The following RELN variants were observed in gnomAD, a reference collection of about 807,000 sequenced individuals.
RELN encodes the protein reelin.
RELN carries 108 observed loss-of-function variants against 427.6 expected under a neutral mutation model. The observed-to-expected ratio is 0.25, with a 90% CI of 0.22 to 0.30. The LOEUF (loss-of-function observed/expected upper bound fraction) is 0.30, where lower values mean the gene tolerates loss of function less well. Ranked by LOEUF, RELN falls within the 10% of genes least tolerant of loss-of-function variation. RELN has a pLI of 1.00. For missense variants in RELN, 3,715 were observed against 4,302.8 expected, an observed-to-expected ratio of 0.86 and a Z score of 3.82; for synonymous variants, 1,524 against 1,513.4, an observed-to-expected ratio of 1.01 and a Z score of -0.16.
chr7:103,513,777 AAAG>A (rs1174377055), intron 50 of RELN: 1 of 152,122 alleles, frequency 6.6e-6, no homozygotes, highest in Non-Finnish European at 1.5e-5. Context: ...CTAAACAAAA[AAAG>A]AAGCTATGAA....
At chr7:103,733,020 G>GT (rs1189488583) in intron 6 of RELN, among the ~76,000 whole-genome samples, 2 of 151,902 alleles carry the variant, frequency 1.3e-5, no homozygotes, top group Non-Finnish European at 2.9e-5. Flanking sequence ...TAATGCCTAG[G>GT]TTTTCTTCTA....
chr7:103,967,533 G>A (rs1034413102), intron 1 of RELN, among the ~76,000 whole-genome samples: 11 of 152,234 alleles, frequency 7.2e-5, no homozygotes, highest in Admixed American at 2.0e-4. Context: ...GCTTGAAACT[G>A]CAAACAGGCT....
At chr7:103,899,061 G>T (rs897468022) in intron 2 of RELN, among the ~76,000 whole-genome samples, 1 of 151,826 alleles carries the variant, frequency 6.6e-6, no homozygotes, top group African/African-American at 2.4e-5. Flanking sequence ...TAATAAAGAA[G>T]AAAAGAGAGA....
intron 8 of RELN, among the ~76,000 whole-genome samples, chr7:103,708,621 G>A (rs1466579342): frequency 1.3e-5 from 2 of 151,536 alleles, no homozygotes; most frequent in African/African-American, 2.4e-5. Context: ...CCGCCAACAC[G>A]CCCGGCTAAT....
At position 103,548,286 on chromosome 7, in the gene RELN, C is replaced by T. The variant is rs956096205; in HGVS notation, c.6302+2781G>A. On this transcript the variant is annotated intron_variant, in intron 41 of 64. Transcript: ENST00000428762. ...TTTAATACACTTTTTGTGTGTATTT[C>T]GTGTCCAATAAATGCAAGAAAAGAG... Among the ~76,000 whole-genome samples, 5 of 152,098 alleles carry T rather than the reference C, an allele frequency of 3.3e-5. No individual in the cohort carries two copies. In the East Asian group the frequency reaches 5.8e-4, roughly 18 times the overall value.
chr7:103,872,971 T>C (rs1401070320), intron 2 of RELN, among the ~76,000 whole-genome samples: 1 of 151,950 alleles, frequency 6.6e-6, no homozygotes, highest in Non-Finnish European at 1.5e-5. Context: ...TAGCCCTTTG[T>C]CAGATGAGTA....
At chr7:103,630,872 T>TTTG (rs1562931062) in intron 19 of RELN, among the ~76,000 whole-genome samples, 6 of 150,128 alleles carry the variant, frequency 4.0e-5, no homozygotes, top group Non-Finnish European at 8.9e-5. Flanking sequence ...TTTTTTTTTT[T>TTTG]TTGTTTTTTA....
intron 10 of RELN, among the ~76,000 whole-genome samples, chr7:103,695,639 G>A (rs966504489): frequency 5.3e-5 from 8 of 152,012 alleles, no homozygotes; most frequent in Admixed American, 1.3e-4. Flanking sequence ...GAAACAGAGG[G>A]TACATTTATG....
intron 4 of RELN, among the ~76,000 whole-genome samples, chr7:103,767,231 C>A (rs147352083): frequency 1.3e-5 from 2 of 152,024 alleles, no homozygotes; most frequent in Non-Finnish European, 2.9e-5. Flanking sequence ...TATATGTGTT[C>A]TTTCCAAGGT....
intron 8 of RELN, among the ~76,000 whole-genome samples, chr7:103,704,742 TG>T (rs1226533472): frequency 6.6e-6 from 1 of 152,138 alleles, no homozygotes; most frequent in African/African-American, 2.4e-5. Context: ...TTCCTATTTT[TG>T]CTCCCTTTTT....
chr7:103,761,703 G>A (rs752849101), intron 4 of RELN, among the ~76,000 whole-genome samples: 3 of 151,960 alleles, frequency 2.0e-5, no homozygotes, highest in East Asian at 1.9e-4. Context: ...CAATCCACCC[G>A]CCTCAGCCTC....
At chr7:103,538,847 G>A (rs565008889) in intron 45 of RELN, among the ~76,000 whole-genome samples, 13 of 152,092 alleles carry the variant, frequency 8.5e-5, no homozygotes, top group South Asian at 2.1e-4. Flanking sequence ...AAGTCTTCAC[G>A]TACATATGCT....
intron 25 of RELN, 141 bp from the exon 26 acceptor site, chr7:103,594,633 G>A: frequency 2.4e-6 from 2 of 824,318 alleles, no homozygotes; most frequent in Admixed American, 2.2e-5. Flanking sequence ...CCGTAAGTTT[G>A]GACATATCAG....
intron 1 of RELN, among the ~76,000 whole-genome samples, chr7:103,966,292 C>T (rs1037113344): frequency 1.3e-5 from 2 of 152,134 alleles, no homozygotes; most frequent in Non-Finnish European, 2.9e-5. Context: ...GGGACCCAGC[C>T]CTGCACAGGG....
At chr7:103,955,014 T>G (rs2116773644) in intron 1 of RELN, among the ~76,000 whole-genome samples, 1 of 152,338 alleles carries the variant, frequency 6.6e-6, no homozygotes, top group Non-Finnish European at 1.5e-5. Flanking sequence ...TAATGCCAGA[T>G]CATTTGTTCA....
At chr7:103,977,384 G>A (rs1353391944) in intron 1 of RELN, among the ~76,000 whole-genome samples, 1 of 150,764 alleles carries the variant, frequency 6.6e-6, no homozygotes, top group Non-Finnish European at 1.5e-5. Flanking sequence ...CAATCCCGGA[G>A]TATCTGGGCT....
At chr7:103,735,190 C>G (rs373405427) in intron 6 of RELN, among the ~76,000 whole-genome samples, 37 of 152,054 alleles carry the variant, frequency 2.4e-4, no homozygotes, top group East Asian at 1.9e-3. Context: ...GTTTTGTCTT[C>G]CACTGTAACA....
At chr7:103,833,707 A>G (rs1416022773) in intron 2 of RELN, 35 bp from the exon 3 acceptor site, 1 of 1,597,702 alleles carries the variant, frequency 6.3e-7, no homozygotes. Context: ...TACAAAGACA[A>G]CAAAACAAAG....
chr7:103,560,053 T>A (rs1830608744), intron 36 of RELN, among the ~76,000 whole-genome samples: 1 of 152,168 alleles, frequency 6.6e-6, no homozygotes, highest in Non-Finnish European at 1.5e-5. Context: ...TCTTTTATAT[T>A]TGTAATATTT....
Sources: gnomAD v4.1 joint callset for allele counts (sites outside exome capture counted in the v4.1 genomes callset) on GRCh38, gnomAD v4.1.1 for gene constraint, MANE v1.5 for transcripts, NCBI Gene and HGNC (gene_info 2026-07-23, HGNC 2026-07-21) for gene names.